The following ELAVL4 variants were observed in gnomAD, a reference collection of about 807,000 sequenced individuals.
The protein encoded by ELAVL4 is ELAV-like protein 4.
A neutral mutation model predicts 35.6 loss-of-function variants in ELAVL4; 1 was observed. That is an observed-to-expected ratio of 0.03 (90% CI 0.01 to 0.13). The LOEUF (loss-of-function observed/expected upper bound fraction) is 0.13. Among genes scored for constraint, ELAVL4 ranks in the 10% least tolerant of loss-of-function variants. The pLI, the probability that ELAVL4 is intolerant of heterozygous loss-of-function variation, is 1.00. For missense variants in ELAVL4, 267 were observed against 464.9 expected (o/e 0.57, Z 3.91); for synonymous variants, 156 against 171.0 (o/e 0.91, Z 0.69).
intron 2 of ELAVL4, among the ~76,000 whole-genome samples, chr1:50,154,977 T>A (rs547757616): frequency 1.3e-5 from 2 of 152,030 alleles, no homozygotes; most frequent in Non-Finnish European, 2.9e-5. Context: ...AGTAAATTAA[T>A]TGTGGTTAAA....
chr1:50,133,822 A>G (rs187467305), intron 1 of ELAVL4, among the ~76,000 whole-genome samples: 1 of 152,268 alleles, frequency 6.6e-6, no homozygotes, highest in East Asian at 1.9e-4. Context: ...CATGAGTATA[A>G]TTTATCACGG....
chr1:50,099,560 C>CAAAAAAAAAAAAAA (rs750905424), upstream of ELAVL4, among the ~76,000 whole-genome samples: 11 of 56,128 alleles, frequency 2.0e-4, no homozygotes, highest in Admixed American at 3.8e-4. Context: ...AACTCCGCCT[C>CAAAAAAAAAAAAAA]AAAAAAAAAA....
At chr1:50,163,915 A>T (rs1677263195) in intron 2 of ELAVL4, among the ~76,000 whole-genome samples, 1 of 152,210 alleles carries the variant, frequency 6.6e-6, no homozygotes, top group Non-Finnish European at 1.5e-5. Flanking sequence ...ACAAATGAGC[A>T]CATATTCAAG....
upstream of ELAVL4, among the ~76,000 whole-genome samples, chr1:50,100,230 AAC>A (rs1276075745): frequency 6.6e-6 from 1 of 152,228 alleles, no homozygotes; most frequent in Non-Finnish European, 1.5e-5. Context: ...CATAATGTTC[AAC>A]ACACAGTGAA....
At chr1:50,077,189 G>A (rs1373896792) in intron 1 of ELAVL4, among the ~76,000 whole-genome samples, 1 of 152,184 alleles carries the variant, frequency 6.6e-6, no homozygotes, top group Non-Finnish European at 1.5e-5. Flanking sequence ...ATGTGTATAT[G>A]TATTAGGTGT....
chr1:50,097,906 CA>C (rs1353392668), intron 1 of ELAVL4, among the ~76,000 whole-genome samples: 5 of 152,072 alleles, frequency 3.3e-5, no homozygotes, highest in Admixed American at 2.6e-4. Flanking sequence ...CCTTTTGCCC[CA>C]AGGTACCCAT....
At chr1:50,073,016 T>A (rs931985073) in intron 1 of ELAVL4, among the ~76,000 whole-genome samples, 1 of 152,188 alleles carries the variant, frequency 6.6e-6, no homozygotes, top group Non-Finnish European at 1.5e-5. Context: ...AGTTAGTAGT[T>A]ATTAAGATGA....
chr1:50,149,945 G>A (rs1217256509), intron 2 of ELAVL4, among the ~76,000 whole-genome samples: 8 of 152,166 alleles, frequency 5.3e-5, no homozygotes, highest in Non-Finnish European at 7.3e-5. Flanking sequence ...CTATTAATAC[G>A]TAAGTGCTAT....
chr1:50,156,307 A>G (rs1388120037), intron 2 of ELAVL4, among the ~76,000 whole-genome samples: 2 of 152,152 alleles, frequency 1.3e-5, no homozygotes, highest in African/African-American at 4.8e-5. Flanking sequence ...TCTTAACCCT[A>G]CCTTCTTTGG....
chr1:50,108,089 G>A (rs1287331174), upstream of ELAVL4, among the ~76,000 whole-genome samples: 2 of 152,026 alleles, frequency 1.3e-5, no homozygotes, highest in African/African-American at 4.8e-5. Flanking sequence ...GTGTTTTAGT[G>A]GATTTTTAAA....
chr1:50,151,406 T>C (rs929096348), intron 2 of ELAVL4, among the ~76,000 whole-genome samples: 1 of 152,206 alleles, frequency 6.6e-6, no homozygotes, highest in Non-Finnish European at 1.5e-5. Flanking sequence ...AAGACTAGAC[T>C]TGGAGTGGTT....
chr1:50,048,097 C>G, exon 1 of ELAVL4: 1 of 1,450,240 alleles, frequency 6.9e-7, no homozygotes. Flanking sequence ...CTGCGGACGT[C>G]TTCCCGCCCG....
At chr1:50,117,795 G>A (rs974989632) in intron 1 of ELAVL4, among the ~76,000 whole-genome samples, 8 of 152,064 alleles carry the variant, frequency 5.3e-5, no homozygotes, top group Non-Finnish European at 1.0e-4. Context: ...CAGTGACATT[G>A]TATGCTACCC....
chr1:50,112,208 CCATATGTTGAGTG>C (rs1273018298), intron 1 of ELAVL4, among the ~76,000 whole-genome samples: 2 of 151,828 alleles, frequency 1.3e-5, no homozygotes, highest in African/African-American at 4.8e-5. Context: ...AAACTTGCGG[CCATATGTTGAGTG>C]CATAAGCCTG....
At chr1:50,172,393 A>G (rs1338885893) in intron 2 of ELAVL4, among the ~76,000 whole-genome samples, 1 of 152,222 alleles carries the variant, frequency 6.6e-6, no homozygotes, top group African/African-American at 2.4e-5. Flanking sequence ...AGGGTCTCAG[A>G]ATCATTGTTA....
chr1:50,118,503 AG>A (rs34446002), intron 1 of ELAVL4, among the ~76,000 whole-genome samples: 69,591 of 150,744 alleles, frequency 0.46, 17,415 homozygotes, highest in East Asian at 0.76. Flanking sequence ...GGAAAAAAAA[AG>A]AGAGAGAGAG....
intron 2 of ELAVL4, among the ~76,000 whole-genome samples, chr1:50,173,328 G>GT (rs1480554207): frequency 6.6e-6 from 1 of 152,170 alleles, no homozygotes; most frequent in Non-Finnish European, 1.5e-5. Context: ...AAATATTGAA[G>GT]TTCAGATTTA....
upstream of ELAVL4, chr1:50,105,661 A>G (rs1401907465): frequency 1.3e-5 from 2 of 152,240 alleles, no homozygotes; most frequent in African/African-American, 4.8e-5. Flanking sequence ...AGAGTAGTTT[A>G]AACACCAGCC....
At chr1:50,075,896 C>G (rs1007029911) in intron 1 of ELAVL4, among the ~76,000 whole-genome samples, 68 of 152,012 alleles carry the variant, frequency 4.5e-4, no homozygotes, top group African/African-American at 1.6e-3. Flanking sequence ...GGCATGATCT[C>G]GGCTCGCTGC....
Sources: allele counts gnomAD v4.1 joint callset (sites outside exome capture counted in the v4.1 genomes callset), GRCh38; gene constraint gnomAD v4.1.1; transcripts MANE v1.5; gene names NCBI Gene and HGNC (gene_info 2026-07-23, HGNC 2026-07-21).